The following ARL1 variants were observed in gnomAD, a reference collection of about 807,000 sequenced individuals.
The protein encoded by ARL1 is ARF like GTPase 1, also known as ADP-ribosylation factor-like protein 1.
Under a neutral mutation model 30.1 loss-of-function variants are expected in ARL1, and 17 were observed. That is an observed-to-expected ratio of 0.56 (90% CI 0.39 to 0.85). The LOEUF is 0.85. ARL1 is among the 40% of genes least tolerant of loss of function. The pLI is 0.00. For synonymous variants in ARL1, 58 were observed against 71.7 expected, an observed-to-expected ratio of 0.81 and a Z score of 0.97; for missense variants, 102 against 212.6, an observed-to-expected ratio of 0.48 and a Z score of 3.24.
intron 1 of ARL1, among the ~76,000 whole-genome samples, chr12:101,406,703 A>G (rs1871450605): frequency 6.6e-6 from 1 of 152,236 alleles, no homozygotes; most frequent in African/African-American, 2.4e-5. Flanking sequence ...ACATGGCATA[A>G]CTAAGAGCTG....
intron 3 of ARL1, 38 bp downstream of exon 3, chr12:101,402,827 G>A: frequency 7.0e-7 from 1 of 1,433,858 alleles, no homozygotes; most frequent in Non-Finnish European, 9.7e-7. Context: ...ATCAATAAAT[G>A]TCAAATACTA....
At chr12:101,406,009 C>A (rs962695080) in intron 1 of ARL1, 28 bp from the exon 2 acceptor site, 1 of 1,529,380 alleles carries the variant, frequency 6.5e-7, no homozygotes, top group Non-Finnish European at 8.8e-7. Context: ...AAAAAACATA[C>A]ACAATGTCAT....
intron 4 of ARL1, among the ~76,000 whole-genome samples, 166 bp downstream of exon 4, chr12:101,400,896 T>C (rs990969943): frequency 5.3e-5 from 8 of 152,202 alleles, no homozygotes; most frequent in African/African-American, 1.9e-4. Context: ...TGTTGTTTTG[T>C]CTCCAACCCT....
chr12:101,404,141 T>G (rs1871377391), intron 2 of ARL1, among the ~76,000 whole-genome samples: 1 of 152,122 alleles, frequency 6.6e-6, no homozygotes, highest in Non-Finnish European at 1.5e-5. Context: ...GTTCATGATG[T>G]CTCCCTTAGA....
chr12:101,405,709 A>C (rs992247314), intron 2 of ARL1, 135 bp downstream of exon 2: 21 of 927,018 alleles, frequency 2.3e-5, no homozygotes, highest in Non-Finnish European at 2.9e-5. Flanking sequence ...TGAGGCCAAG[A>C]GTCTAAGACC....
intron 4 of ARL1, 39 bp downstream of exon 4, chr12:101,401,023 A>AT (rs1565815488): frequency 7.5e-7 from 1 of 1,332,938 alleles, no homozygotes; most frequent in Admixed American, 1.7e-5. Flanking sequence ...TAATATGTAA[A>AT]TGACTGCCCC....
At chr12:101,400,942 A>G (rs1871289195) in intron 4 of ARL1, 120 bp downstream of exon 4, 2 of 692,758 alleles carry the variant, frequency 2.9e-6, no homozygotes, top group South Asian at 4.2e-5. Flanking sequence ...AATCATTTCC[A>G]TAAAAGAAAA....
Position 101,407,714 on chromosome 12 carries a change from G to C in ARL1, c.-69C>G. ...GGCCTTCGGCTGCAGCTCCGAGGCG[G>C]TTTCCTCGCAAGCCCAGTCAGCCAG... On this transcript the variant is annotated 5_prime_UTR_variant, in exon 1 of 6. Coordinates refer to ENST00000261636, the MANE Select transcript of ARL1 (RefSeq NM_001177.6). 6.2e-7 allele frequency: 1 copy of C among 1,606,794 alleles called. No homozygotes were observed. The highest frequency in any genetic ancestry group is 8.5e-7 in the Non-Finnish European group (1 of 1,176,966).
chr12:101,407,747 C>T lies in ARL1; in HGVS notation c.-102G>A, dbSNP rs1871490108. 2 of 1,546,836 alleles carry T rather than the reference C, an allele frequency of 1.3e-6. No individual in the cohort carries two copies. The highest frequency in any genetic ancestry group is 2.7e-5 in the African/African-American group (2 of 73,722). ...GCAAGCCCAGTCAGCCAGCAACTTC[C>T]ACGTCGGACTCCAGGCGGGGGCGGG... On this transcript the variant is annotated 5_prime_UTR_variant, in exon 1 of 6. Coordinates refer to ENST00000261636, the MANE Select transcript of ARL1 (RefSeq NM_001177.6).
intron 4 of ARL1, among the ~76,000 whole-genome samples, chr12:101,400,580 G>A (rs1370275195): frequency 6.6e-6 from 1 of 152,104 alleles, no homozygotes; most frequent in African/African-American, 2.4e-5. Flanking sequence ...ATCAGCAAGT[G>A]CAAAAGGCCC....
At chr12:101,406,641 C>CA (rs926041259) in intron 1 of ARL1, among the ~76,000 whole-genome samples, 37 of 150,670 alleles carry the variant, frequency 2.5e-4, no homozygotes, top group Middle Eastern at 3.4e-3. Flanking sequence ...TACATTAATA[C>CA]AAAAAAAAAT....
chr12:101,395,795 G>T (rs557096172), intron 5 of ARL1, 125 bp from the exon 6 acceptor site: 37 of 658,474 alleles, frequency 5.6e-5, no homozygotes, highest in African/African-American at 4.1e-4. Flanking sequence ...TAACACAGAT[G>T]AGGTTATGCA....
At chr12:101,399,043 C>T (rs1166198068) in intron 4 of ARL1, among the ~76,000 whole-genome samples, 2 of 151,768 alleles carry the variant, frequency 1.3e-5, no homozygotes, top group African/African-American at 4.8e-5. Flanking sequence ...CTATTATACC[C>T]AAGGCAATTA....
intron 4 of ARL1, among the ~76,000 whole-genome samples, chr12:101,399,239 G>A (rs1431489206): frequency 6.6e-6 from 1 of 152,152 alleles, no homozygotes; most frequent in East Asian, 1.9e-4. Flanking sequence ...GCTCATGCCT[G>A]TAATCCCAGT....
rs1005837468 is a variant in ARL1 at position 101,394,850 on chromosome 12, G to A, written c.*790C>T. ...TTTGGGAATATATAGTATAGTTTAT[G>A]AGTCAAGCTTCTGAACCAAAAGTTT... On this transcript the variant is annotated 3_prime_UTR_variant, in exon 6 of 6. Coordinates refer to ENST00000261636, the MANE Select transcript of ARL1 (RefSeq NM_001177.6). 1.3e-5 allele frequency: 2 copies of A among 152,230 alleles called. No homozygotes were observed. Among genetic ancestry groups the A allele is most frequent in the South Asian group, 2.1e-4 (1 of 4,826 alleles). The allele number at this position is 152,230 out of a possible 1,614,324, so 9.4% of individuals were successfully genotyped here.
At chr12:101,397,826 G>T (rs531242838) in intron 4 of ARL1, among the ~76,000 whole-genome samples, 3 of 152,150 alleles carry the variant, frequency 2.0e-5, no homozygotes, top group African/African-American at 7.2e-5. Flanking sequence ...AAAAACAAAT[G>T]CAAATGTTAT....
intron 5 of ARL1, 27 bp downstream of exon 5, chr12:101,396,372 G>A: frequency 6.2e-7 from 1 of 1,613,892 alleles, no homozygotes. Context: ...CAAATGCACA[G>A]ATGGCTTCTG....
intron 5 of ARL1, 44 bp downstream of exon 5, chr12:101,396,355 G>A: frequency 6.2e-7 from 1 of 1,610,336 alleles, no homozygotes; most frequent in Non-Finnish European, 8.5e-7. Flanking sequence ...ATAGCTGCAA[G>A]CACACACAAA....
chr12:101,397,344 A>G (rs1452036473), intron 4 of ARL1, among the ~76,000 whole-genome samples: 4 of 152,130 alleles, frequency 2.6e-5, no homozygotes, highest in Non-Finnish European at 5.9e-5. Flanking sequence ...TAAGTCCAGG[A>G]GTTGGAGACC....
Sources: allele counts gnomAD v4.1 joint callset (sites outside exome capture counted in the v4.1 genomes callset), GRCh38; gene constraint gnomAD v4.1.1; transcripts MANE v1.5; gene names NCBI Gene and HGNC (gene_info 2026-07-23, HGNC 2026-07-21).